ABCC1: variants seen among roughly 807,000 people sequenced by gnomAD.
ABCC1 encodes the protein ATP binding cassette subfamily C member 1 (ABCC1 blood group).
A neutral mutation model predicts 172.9 loss-of-function variants in ABCC1; 83 were observed. The ratio of observed to expected loss-of-function variants is 0.48; its 90% CI spans 0.40 to 0.58. ABCC1 has a LOEUF of 0.58. ABCC1 is among the 20% of genes least tolerant of loss of function. The pLI, the probability that ABCC1 is intolerant of heterozygous loss-of-function variation, is 0.00. For missense variants in ABCC1, 1,817 were observed against 2,002.7 expected, an observed-to-expected ratio of 0.91 and a Z score of 1.77; for synonymous variants, 937 against 825.2, an observed-to-expected ratio of 1.14 and a Z score of -2.32.
At chr16:16,125,743 A>AAAAAAAAT in intron 25 of ABCC1, 67 bp from the exon 26 acceptor site, 1 of 1,204,142 alleles carries the variant, frequency 8.3e-7, no homozygotes, top group Non-Finnish European at 1.2e-6. Flanking sequence ...TCAGTGGAAA[A>AAAAAAAAT]AAAGAAAAAG....
intron 1 of ABCC1, among the ~76,000 whole-genome samples, chr16:15,988,182 T>G (rs2046783551): frequency 6.6e-6 from 1 of 152,174 alleles, no homozygotes; most frequent in Non-Finnish European, 1.5e-5. Flanking sequence ...CCTCCCAAAG[T>G]GCTGGGATTA....
At position 16,048,436 on chromosome 16, in the gene ABCC1, A is replaced by G; in HGVS notation, c.1380+133A>G. Reference sequence around the variant, plus strand: ...CAGTTCCGGCTGTGGTTCATATTTTATTTTCCAGCCTGTTAACCAATTCCT... The same window carrying G: ...CAGTTCCGGCTGTGGTTCATATTTTGTTTTCCAGCCTGTTAACCAATTCCT... On this transcript the variant is annotated intron_variant, in intron 10 of 30. Transcript: ENST00000399410. 5 of 1,087,896 alleles carry G rather than the reference A, an allele frequency of 4.6e-6. No individual in the cohort carries two copies. In the East Asian group the frequency reaches 7.6e-5, roughly 16 times the overall value. 67.4% of individuals were successfully genotyped at this position (1,087,896 alleles called of 1,614,324 possible).
chr16:16,069,046 G>A (rs1378215403), intron 13 of ABCC1, among the ~76,000 whole-genome samples: 1 of 149,894 alleles, frequency 6.7e-6, no homozygotes, highest in East Asian at 1.9e-4. Context: ...GATGGTACAT[G>A]CCTGTAATCC....
chr16:16,126,949 A>G (rs1275964371), intron 26 of ABCC1, among the ~76,000 whole-genome samples: 1 of 152,174 alleles, frequency 6.6e-6, no homozygotes, highest in Admixed American at 6.5e-5. Flanking sequence ...GGGAGGGACA[A>G]CAGCTGATCC....
At chr16:16,031,384 C>G (rs77974584) in intron 5 of ABCC1, among the ~76,000 whole-genome samples, 1,835 of 152,314 alleles carry the variant, frequency 0.012, 46 homozygotes, top group African/African-American at 0.042. Context: ...CAGGCTTTGT[C>G]TGTCATCCCA....
rs923312421 is a variant in ABCC1 at position 15,955,355 on chromosome 16, C to CA, written c.48+5565dup. Among the ~76,000 whole-genome samples the CA allele has an allele frequency of 1.6e-4, 24 of 150,926 alleles. 1 individual carries two copies. Among genetic ancestry groups the CA allele is most frequent in the Admixed American group, 5.9e-4 (9 of 15,148 alleles). ...CCTGGGTGACAGTGAGACTCTGTCT[C>CA]AAAAAAAAAGAAAACAGCCACCTGT... On this transcript the variant is annotated intron_variant, in intron 1 of 30. Coordinates refer to ENST00000399410, the MANE Select transcript of ABCC1 (RefSeq NM_004996.4).
At chr16:16,079,114 C>T (rs1164423411) in intron 15 of ABCC1, among the ~76,000 whole-genome samples, 2 of 152,190 alleles carry the variant, frequency 1.3e-5, no homozygotes, top group African/African-American at 4.8e-5. Context: ...CTCCCTGCCT[C>T]ACTTCTCTAA....
At chr16:15,957,647 G>A (rs944270174) in intron 1 of ABCC1, among the ~76,000 whole-genome samples, 2 of 152,206 alleles carry the variant, frequency 1.3e-5, no homozygotes, top group Non-Finnish European at 2.9e-5. Flanking sequence ...CCAGGCTGGA[G>A]TGCAGTGGCA....
chr16:15,984,227 GCA>G (rs2031984764), intron 1 of ABCC1, among the ~76,000 whole-genome samples: 1 of 152,192 alleles, frequency 6.6e-6, no homozygotes, highest in Non-Finnish European at 1.5e-5. Flanking sequence ...AGCCCTTTGT[GCA>G]CAGATGTGCG....
intron 1 of ABCC1, among the ~76,000 whole-genome samples, chr16:15,955,323 G>A (rs555617774): frequency 1.1e-4 from 16 of 152,148 alleles, no homozygotes; most frequent in East Asian, 1.9e-4. Context: ...TCGCCACTGC[G>A]CTCCAGCCTG....
At chr16:16,129,877 TCTTGCCTAA>T (rs2045608142) in intron 26 of ABCC1, among the ~76,000 whole-genome samples, 1 of 152,202 alleles carries the variant, frequency 6.6e-6, no homozygotes, top group Non-Finnish European at 1.5e-5. Flanking sequence ...GGGCTGCATG[TCTTGCCTAA>T]AAGTTGCCCG....
intron 26 of ABCC1, among the ~76,000 whole-genome samples, chr16:16,128,390 C>T (rs1181536258): frequency 6.6e-6 from 1 of 151,674 alleles, no homozygotes; most frequent in Non-Finnish European, 1.5e-5. Flanking sequence ...ACCTCGTGAT[C>T]CACCCGCCTC....
intron 19 of ABCC1, among the ~76,000 whole-genome samples, chr16:16,091,057 C>T (rs752338064): frequency 3.3e-5 from 5 of 152,010 alleles, no homozygotes; most frequent in Admixed American, 6.6e-5. Context: ...AATCCCCGGC[C>T]GCTCATCTCC....
At chr16:15,969,791 C>G (rs1000745165) in intron 1 of ABCC1, among the ~76,000 whole-genome samples, 5 of 152,044 alleles carry the variant, frequency 3.3e-5, no homozygotes, top group African/African-American at 1.2e-4. Context: ...GAGGTAGAAT[C>G]TCCGAGGGTC....
intron 1 of ABCC1, among the ~76,000 whole-genome samples, chr16:15,961,771 CTTTTTTTTT>C (rs4148334): frequency 7.7e-6 from 1 of 129,220 alleles, no homozygotes; most frequent in Non-Finnish European, 1.7e-5. Context: ...ATCAAATCAA[CTTTTTTTTT>C]TTTTTTTTTT....
chr16:15,950,140 T>C (rs1051843075), intron 1 of ABCC1, among the ~76,000 whole-genome samples: 2 of 148,580 alleles, frequency 1.3e-5, no homozygotes, highest in African/African-American at 5.0e-5. Flanking sequence ...ACGCTAGAGA[T>C]GGGGGGCGGG....
At chr16:15,980,428 G>T (rs1172267991) in intron 1 of ABCC1, among the ~76,000 whole-genome samples, 1 of 152,006 alleles carries the variant, frequency 6.6e-6, no homozygotes, top group Non-Finnish European at 1.5e-5. Flanking sequence ...CAATTCCACA[G>T]GGCTGGGGAG....
intron 22 of ABCC1, among the ~76,000 whole-genome samples, chr16:16,111,958 G>A (rs577341305): frequency 2.6e-5 from 4 of 152,176 alleles, no homozygotes; most frequent in African/African-American, 9.6e-5. Context: ...GAGTGAGGGC[G>A]GAAATTGGCT....
chr16:16,090,378 G>A (rs45492500), intron 18 of ABCC1, 27 bp from the exon 19 acceptor site: 72,991 of 1,557,780 alleles, frequency 0.047, 1,907 homozygotes, highest in Non-Finnish European at 0.054. Flanking sequence ...GTGCACTCAC[G>A]TGGCCGGGTG....
Sources: gnomAD v4.1 joint callset for allele counts (sites outside exome capture counted in the v4.1 genomes callset) on GRCh38, gnomAD v4.1.1 for gene constraint, MANE v1.5 for transcripts, NCBI Gene and HGNC (gene_info 2026-07-23, HGNC 2026-07-21) for gene names.